Variants in HIVEP2 observed in about 807,000 individuals in gnomAD.
The protein encoded by HIVEP2 is transcription factor HIVEP2.
A neutral mutation model predicts 180.7 loss-of-function variants in HIVEP2; 14 were observed. That is an observed-to-expected ratio of 0.08 (90% CI 0.05 to 0.12). HIVEP2 has a LOEUF of 0.12. HIVEP2 is among the 10% of genes least tolerant of loss of function. The pLI is 1.00. For synonymous variants in HIVEP2, 1,184 were observed against 1,136.4 expected, an observed-to-expected ratio of 1.04 and a Z score of -0.84; for missense variants, 2,579 against 3,008.5, an observed-to-expected ratio of 0.86 and a Z score of 3.34.
intron 1 of HIVEP2, among the ~76,000 whole-genome samples, chr6:142,930,315 AACCT>A (rs900565020): frequency 6.6e-6 from 1 of 152,192 alleles, no homozygotes; most frequent in African/African-American, 2.4e-5. Context: ...ATTCATGAAA[AACCT>A]ACCTACCTAC....
intron 1 of HIVEP2, among the ~76,000 whole-genome samples, chr6:142,927,846 C>A (rs1004183141): frequency 1.3e-5 from 2 of 151,962 alleles, no homozygotes; most frequent in African/African-American, 4.8e-5. Context: ...CGGTTAATAA[C>A]GATTAAAAAT....
In HIVEP2 at chr6:142,772,287, C is replaced by T. The variant is rs1481051017; in HGVS notation, c.2452G>A (p.Glu818Lys). ...GTGCAAGCCACAAGTTCGGCTGACTCAGACCTTTCAAATGAATTGGGTCGG... is the reference window on the plus strand; with the variant it reads ...GTGCAAGCCACAAGTTCGGCTGACTTAGACCTTTCAAATGAATTGGGTCGG... ...LSRPNSFERS[E>K]SAELVACTQD... is the part of the protein sequence containing the mutation. The change falls in exon 5 of 10, where the codon GAG becomes AAG. Residue 818 changes from glutamate (E) to lysine (K), a missense_variant. Glu to Lys is a moderately conservative substitution (Grantham distance 56). Around this residue, in one of 11 missense-constraint regions of HIVEP2, gnomAD observed 524 missense variants for 563.6 expected, o/e 0.93. Coordinates refer to ENST00000367603, the MANE Select transcript of HIVEP2 (RefSeq NM_006734.4). The surrounding 1 kb of genome is among the most constrained non-coding windows in gnomAD (Gnocchi z 4.9). The T allele has an allele frequency of 6.2e-7, 1 of 1,614,230 alleles. No homozygotes were observed. The highest frequency in any genetic ancestry group is 8.5e-7 in the Non-Finnish European group (1 of 1,180,050).
intron 1 of HIVEP2, among the ~76,000 whole-genome samples, chr6:142,844,725 G>A (rs1446182768): frequency 6.6e-6 from 1 of 152,106 alleles, no homozygotes; most frequent in Non-Finnish European, 1.5e-5. Flanking sequence ...CAAGATCCTA[G>A]TATTCAGGAT....
intron 2 of HIVEP2, among the ~76,000 whole-genome samples, chr6:142,791,988 G>C (rs1036718564): frequency 6.6e-6 from 1 of 152,138 alleles, no homozygotes; most frequent in Admixed American, 6.5e-5. Context: ...TTGAAAGAAG[G>C]CTCAGATTTG....
At chr6:142,901,268 C>T (rs1200009540) in intron 1 of HIVEP2, among the ~76,000 whole-genome samples, 3 of 152,244 alleles carry the variant, frequency 2.0e-5, no homozygotes, top group Middle Eastern at 3.4e-3. Context: ...AAGTACAAAT[C>T]AATTCATAGC....
intron 1 of HIVEP2, among the ~76,000 whole-genome samples, chr6:142,921,976 T>C (rs935176074): frequency 6.6e-6 from 1 of 152,212 alleles, no homozygotes; most frequent in African/African-American, 2.4e-5. Flanking sequence ...TAGCATATGG[T>C]ATTGATGCTT....
chr6:142,825,001 C>G (rs1446203795), intron 2 of HIVEP2, among the ~76,000 whole-genome samples: 1 of 152,214 alleles, frequency 6.6e-6, no homozygotes, highest in African/African-American at 2.4e-5. Context: ...AGTGCCTTTT[C>G]ACATTTTTGC....
rs1165369604 is a variant in HIVEP2 at position 142,862,601 on chromosome 6, G to T, written c.-640-25554C>A. ...CATATATTTTATAATACATATAATCGATTCATAATCGATTATATGTATTAT... is the reference window on the plus strand; with the variant it reads ...CATATATTTTATAATACATATAATCTATTCATAATCGATTATATGTATTAT... On this transcript the variant is annotated intron_variant, in intron 1 of 9. Transcript: ENST00000367603. Among the ~76,000 whole-genome samples, 4 of 141,092 alleles carry T rather than the reference G, an allele frequency of 2.8e-5. No individual in the cohort carries two copies. In the East Asian group the frequency reaches 8.4e-4, roughly 30 times the overall value. The allele number at this position is 141,092 out of a possible 152,430, so 92.6% of individuals were successfully genotyped here. A position where few individuals can be genotyped will look rare whatever the true frequency, so the allele number is the denominator to read the frequency against.
chr6:142,888,130 G>C (rs1776755535), intron 1 of HIVEP2, among the ~76,000 whole-genome samples: 2 of 152,134 alleles, frequency 1.3e-5, no homozygotes, highest in Non-Finnish European at 2.9e-5. Context: ...GCCCAGTCAA[G>C]GACAGATAAC....
chr6:142,811,237 G>A (rs1244751388), intron 2 of HIVEP2, among the ~76,000 whole-genome samples: 2 of 152,122 alleles, frequency 1.3e-5, no homozygotes, highest in South Asian at 2.1e-4. Flanking sequence ...GAGAGAAAGC[G>A]CAAACAAGCT....
chr6:142,924,711 T>C (rs1468787898), intron 1 of HIVEP2, among the ~76,000 whole-genome samples: 2 of 152,362 alleles, frequency 1.3e-5, no homozygotes, highest in African/African-American at 2.4e-5. Flanking sequence ...AAATCACATA[T>C]GCTTAGACTA....
At chr6:142,855,650 T>C (rs1047779083) in intron 1 of HIVEP2, among the ~76,000 whole-genome samples, 2 of 152,184 alleles carry the variant, frequency 1.3e-5, no homozygotes, top group African/African-American at 4.8e-5. Context: ...ATAGGTTTTG[T>C]TCATGGATCT....
chr6:142,797,139 C>T (rs1418065614), intron 2 of HIVEP2, among the ~76,000 whole-genome samples: 1 of 151,950 alleles, frequency 6.6e-6, no homozygotes, highest in African/African-American at 2.4e-5. Flanking sequence ...CCTAACACAC[C>T]TAACTTTTTC....
rs1421128327 is a variant in HIVEP2, at chr6:142,773,585, A to G, written c.1154T>C (p.Leu385Pro). Residue 385 changes from leucine to proline, a missense_variant, in exon 5 of 10, where the codon CTC becomes CCC. Leu to Pro is a moderately conservative substitution (Grantham distance 98, BLOSUM62 -3). This residue lies in a region of HIVEP2 where 47 missense variants were observed against 92.5 expected (regional missense o/e 0.51). Coordinates refer to ENST00000367603, the MANE Select transcript of HIVEP2 (RefSeq NM_006734.4). The stretch of plus-strand genomic sequence containing the variant: ...TTTACTGTGCGGGCTCAGAAGGTTG[A>G]GCGATGGCTCAGAATCTTGTCCTTT... ...EKKGQDSEPS[L>P]NLLSPHSKGS... The G allele has an allele frequency of 1.2e-6, 2 of 1,614,110 alleles. No individual in the cohort carries two copies. The highest frequency in any genetic ancestry group is 1.7e-6 in the Non-Finnish European group (2 of 1,180,052).
rs1156733532 is a variant in HIVEP2 at position 142,753,285 on chromosome 6, T to C, written c.7163A>G (p.Asp2388Gly). ...ATTGTCCTTTTCACCATCATGCAAG[T>C]CAGGGTGGGTGGCTGAGGTACAGGG... is the stretch of plus-strand genomic sequence containing the variant. Reference protein sequence around the residue: ...GQPCTSATHPDLHDGEKDNFG... With the variant: ...GQPCTSATHPGLHDGEKDNFG... Residue 2388 changes from aspartate to glycine, a missense_variant, in exon 10 of 10, where the codon GAC becomes GGC. By Grantham distance (94) the Asp-to-Gly change is moderately conservative. This residue lies in a region of HIVEP2 where 660 missense variants were observed against 731.7 expected (regional missense o/e 0.90). Transcript: ENST00000367603. The C allele has an allele frequency of 6.2e-7, 1 of 1,614,020 alleles. No individual in the cohort carries two copies. The highest frequency in any genetic ancestry group is 8.5e-7 in the Non-Finnish European group (1 of 1,180,034).
chr6:142,791,703 C>T (rs188002197), intron 2 of HIVEP2, among the ~76,000 whole-genome samples: 5 of 152,146 alleles, frequency 3.3e-5, no homozygotes, highest in African/African-American at 1.2e-4. Context: ...AGTTTGAATC[C>T]AGATATTACT....
At chr6:142,798,070 C>T (rs901214125) in intron 2 of HIVEP2, among the ~76,000 whole-genome samples, 3 of 152,026 alleles carry the variant, frequency 2.0e-5, no homozygotes, top group Non-Finnish European at 2.9e-5. Context: ...ATAAGGAATT[C>T]TCTCTTATGG....
Position 142,933,264 on chromosome 6 carries a change from A to G in HIVEP2, c.-641+11835T>C, listed in dbSNP as rs534285244. Among the ~76,000 whole-genome samples the G allele has an allele frequency of 2.0e-5, 3 of 152,362 alleles. No homozygotes were observed. In the East Asian group the frequency reaches 5.8e-4, roughly 29 times the overall value. On this transcript the variant is annotated intron_variant, in intron 1 of 9. Transcript: ENST00000367603. ...ACTTACATGTCAAATACAAATAAGA[A>G]TAGTAGCCTGATGTATACAACTGTG...
intron 1 of HIVEP2, among the ~76,000 whole-genome samples, chr6:142,871,955 A>G (rs930913211): frequency 6.6e-6 from 1 of 152,062 alleles, no homozygotes. Context: ...TTTGAACTTG[A>G]CAGTTCCCAG....
Sources: allele counts gnomAD v4.1 joint callset (sites outside exome capture counted in the v4.1 genomes callset), GRCh38; gene constraint gnomAD v4.1.1; regional missense constraint gnomAD v4.1.1; non-coding constraint Gnocchi (gnomAD v3.1); transcripts MANE v1.5; gene names NCBI Gene and HGNC (gene_info 2026-07-23, HGNC 2026-07-21).